Variants in SOX5 observed in about 807,000 individuals in gnomAD.
The protein encoded by SOX5 is transcription factor SOX-5.
A neutral mutation model predicts 92.0 loss-of-function variants in SOX5; 9 were observed. The observed-to-expected ratio is 0.10, with a 90% CI of 0.06 to 0.17. SOX5 has a LOEUF of 0.17. Among genes scored for constraint, SOX5 ranks in the 10% least tolerant of loss-of-function variants. The pLI is 1.00. For synonymous variants in SOX5, 344 were observed against 336.3 expected, an observed-to-expected ratio of 1.02 and a Z score of -0.25; for missense variants, 642 against 944.5, an observed-to-expected ratio of 0.68 and a Z score of 4.20.
At chr12:24,181,315 T>G (rs1046446670) in intron 4 of SOX5, among the ~76,000 whole-genome samples, 1 of 152,202 alleles carries the variant, frequency 6.6e-6, no homozygotes. Flanking sequence ...TCTCATAGGT[T>G]TGATCATCTT....
At chr12:23,780,478 A>G (rs1219034966) in intron 3 of SOX5, among the ~76,000 whole-genome samples, 1 of 152,010 alleles carries the variant, frequency 6.6e-6, no homozygotes, top group Non-Finnish European at 1.5e-5. Context: ...AAAAGGAATA[A>G]TAAGTGCTAA....
intron 2 of SOX5, among the ~76,000 whole-genome samples, chr12:23,868,121 T>A (rs2096835385): frequency 6.6e-6 from 1 of 151,272 alleles, no homozygotes; most frequent in Admixed American, 6.6e-5. Context: ...GCCTTCCACT[T>A]TTTTTTCTTC....
chr12:24,342,951 C>T (rs1270315039), intron 2 of SOX5, among the ~76,000 whole-genome samples: 1 of 152,254 alleles, frequency 6.6e-6, no homozygotes, highest in East Asian at 1.9e-4. Flanking sequence ...ACTTATTTCA[C>T]CAAGTATGTC....
chr12:23,956,514 TGG>T (rs1292007248), intron 4 of SOX5, among the ~76,000 whole-genome samples: 1 of 152,082 alleles, frequency 6.6e-6, no homozygotes, highest in Non-Finnish European at 1.5e-5. Context: ...TGATCTGAGG[TGG>T]AACCATTTAA....
At chr12:24,341,225 C>T (rs1048170123) in intron 2 of SOX5, among the ~76,000 whole-genome samples, 2 of 152,168 alleles carry the variant, frequency 1.3e-5, no homozygotes, top group African/African-American at 4.8e-5. Context: ...ACCTGTAATC[C>T]TAACACCTTG....
At chr12:24,085,955 CTA>C (rs1491375662) in intron 4 of SOX5, among the ~76,000 whole-genome samples, 1 of 123,212 alleles carries the variant, frequency 8.1e-6, no homozygotes, top group South Asian at 2.8e-4. Context: ...AACGGATATG[CTA>C]AAAAAAAAAA....
chr12:24,046,304 C>T (rs1457404164), intron 4 of SOX5, among the ~76,000 whole-genome samples: 1 of 152,028 alleles, frequency 6.6e-6, no homozygotes, highest in Non-Finnish European at 1.5e-5. Flanking sequence ...CTGGTGAACT[C>T]GAAATGGAAT....
intron 2 of SOX5, among the ~76,000 whole-genome samples, chr12:24,332,171 A>G (rs1031184690): frequency 6.6e-6 from 1 of 152,168 alleles, no homozygotes; most frequent in Non-Finnish European, 1.5e-5. Context: ...GTCAAGGTTA[A>G]ATTTCAGAAC....
At chr12:23,602,839 A>C (rs2074685025) in intron 9 of SOX5, among the ~76,000 whole-genome samples, 1 of 152,144 alleles carries the variant, frequency 6.6e-6, no homozygotes. Flanking sequence ...AATGTATTTA[A>C]GAAATGTTAA....
intron 4 of SOX5, among the ~76,000 whole-genome samples, chr12:24,030,733 A>T (rs989924401): frequency 3.3e-5 from 5 of 151,986 alleles, no homozygotes; most frequent in Admixed American, 2.6e-4. Context: ...AGCAAAGGAA[A>T]CAACCAACAG....
rs577175119 is a variant in SOX5 at position 24,143,570 on chromosome 12, T to C, written c.-2+69773A>G. On this transcript the variant is annotated intron_variant, in intron 4 of 4. Coordinates refer to the SOX5 transcript ENST00000446891. ...TCCCAAGGACAAAAAGAGCAATACT[T>C]AAACTCAGAAATGCACTGGATGGGA... is the stretch of plus-strand genomic sequence containing the variant. Among the ~76,000 whole-genome samples the C allele has an allele frequency of 1.2e-4, 18 of 152,152 alleles. No homozygotes were observed. The South Asian group carries it at 3.3e-3, about 28-fold the overall frequency.
chr12:23,979,469 C>T (rs925507837), intron 4 of SOX5, among the ~76,000 whole-genome samples: 1 of 151,922 alleles, frequency 6.6e-6, no homozygotes, highest in African/African-American at 2.4e-5. Context: ...GGTGATCTGC[C>T]TTCCTTGGCC....
At chr12:23,834,668 T>A (rs2096384639) in intron 3 of SOX5, among the ~76,000 whole-genome samples, 1 of 151,864 alleles carries the variant, frequency 6.6e-6, no homozygotes, top group South Asian at 2.1e-4. Context: ...CAGAAGACAC[T>A]GACAAATAAA....
chr12:23,540,073 A>G (rs1941593265), intron 13 of SOX5, among the ~76,000 whole-genome samples: 1 of 149,536 alleles, frequency 6.7e-6, no homozygotes, highest in South Asian at 2.1e-4. Flanking sequence ...AATGGCAGGA[A>G]AATATTTTGG....
intron 3 of SOX5, among the ~76,000 whole-genome samples, chr12:24,255,260 C>G (rs1254419015): frequency 6.6e-6 from 1 of 152,012 alleles, no homozygotes; most frequent in Non-Finnish European, 1.5e-5. Flanking sequence ...TTGTTGTCTC[C>G]CAAGAAGCAA....
At chr12:24,197,915 TATC>T (rs1453360568) in intron 4 of SOX5, among the ~76,000 whole-genome samples, 1 of 152,134 alleles carries the variant, frequency 6.6e-6, no homozygotes, top group East Asian at 1.9e-4. Flanking sequence ...TCTGCCCACT[TATC>T]ATTGTATGCT....
At chr12:24,450,570 C>T (rs1942146012) in intron 1 of SOX5, among the ~76,000 whole-genome samples, 1 of 152,008 alleles carries the variant, frequency 6.6e-6, no homozygotes, top group Admixed American at 6.6e-5. Flanking sequence ...TCTCAACTCA[C>T]TGCAACTTCT....
chr12:24,504,986 G>A (rs1468428168), intron 1 of SOX5, among the ~76,000 whole-genome samples: 1 of 152,206 alleles, frequency 6.6e-6, no homozygotes, highest in East Asian at 1.9e-4. Flanking sequence ...AATTTTGCAT[G>A]AAGAGGAAGC....
intron 3 of SOX5, among the ~76,000 whole-genome samples, chr12:24,256,550 T>C (rs1325708806): frequency 6.6e-6 from 1 of 151,994 alleles, no homozygotes; most frequent in Admixed American, 6.6e-5. Context: ...GAAAGCTAAC[T>C]GTAGCTCTTT....
Sources: allele counts gnomAD v4.1 joint callset (sites outside exome capture counted in the v4.1 genomes callset), GRCh38; gene constraint gnomAD v4.1.1; transcripts MANE v1.5; gene names NCBI Gene and HGNC (gene_info 2026-07-23, HGNC 2026-07-21).